Variants in PCLO observed in about 807,000 individuals in gnomAD.
The protein encoded by PCLO is piccolo presynaptic cytomatrix protein.
Under a neutral mutation model 427.5 loss-of-function variants are expected in PCLO, and 82 were observed. The ratio of observed to expected loss-of-function variants is 0.19; its 90% CI spans 0.16 to 0.23. The LOEUF is 0.23. PCLO is among the 10% of genes least tolerant of loss of function. The pLI, the probability that PCLO is intolerant of heterozygous loss-of-function variation, is 1.00. For synonymous variants in PCLO, 2,357 were observed against 2,155.4 expected (o/e 1.09, Z -2.59); for missense variants, 6,239 against 6,115.9 (o/e 1.02, Z -0.67).
chr7:82,936,530 T>C lies in PCLO; in HGVS notation c.11112+12946A>G, dbSNP rs568497222. ...TTTATTTTAAAAAGGAAAATAAGTA[T>C]TGGAAAGATGTAGGGAAATTGCAAC... is the stretch of plus-strand genomic sequence containing the variant. On this transcript the variant is annotated intron_variant, in intron 6 of 24. Transcript: ENST00000333891. Among the ~76,000 whole-genome samples the C allele has an allele frequency of 2.2e-4, 20 of 91,042 alleles. No individual in the cohort carries two copies. In the South Asian group the frequency reaches 6.9e-3, roughly 31 times the overall value. The allele number at this position is 91,042 out of a possible 152,430, so 59.7% of individuals were successfully genotyped here.
intron 4 of PCLO, among the ~76,000 whole-genome samples, chr7:82,962,739 A>G (rs937748213): frequency 2.6e-5 from 4 of 151,996 alleles, no homozygotes; most frequent in Non-Finnish European, 5.9e-5. Flanking sequence ...TGGAATTATA[A>G]TTTTAAAGAA....
intron 3 of PCLO, among the ~76,000 whole-genome samples, chr7:82,995,958 A>G (rs1796486124): frequency 6.7e-6 from 1 of 148,986 alleles, no homozygotes; most frequent in East Asian, 1.9e-4. Flanking sequence ...TATGTTTATC[A>G]TTATATTTAA....
chr7:82,893,053 C>T (rs1793809846), intron 9 of PCLO, among the ~76,000 whole-genome samples: 1 of 152,114 alleles, frequency 6.6e-6, no homozygotes, highest in African/African-American at 2.4e-5. Context: ...TACCATTTGA[C>T]CCAGCCATCC....
intron 3 of PCLO, 98 bp downstream of exon 3, chr7:83,134,152 T>C: frequency 2.9e-6 from 1 of 349,956 alleles, no homozygotes; most frequent in Non-Finnish European, 4.8e-6. Context: ...CACAAATGTA[T>C]TTTTTGCTCA....
chr7:82,850,873 C>T (rs1020487606), intron 10 of PCLO, among the ~76,000 whole-genome samples: 1 of 152,074 alleles, frequency 6.6e-6, no homozygotes, highest in African/African-American at 2.4e-5. Flanking sequence ...AAATAAAGAT[C>T]ATTCACACAG....
chr7:83,048,153 T>C (rs922612246), intron 3 of PCLO, among the ~76,000 whole-genome samples: 4 of 152,124 alleles, frequency 2.6e-5, no homozygotes, highest in African/African-American at 7.2e-5. Context: ...CTGCTTTATA[T>C]TCATCTGTCT....
intron 10 of PCLO, among the ~76,000 whole-genome samples, chr7:82,854,673 T>C (rs964369589): frequency 6.6e-6 from 1 of 152,144 alleles, no homozygotes; most frequent in African/African-American, 2.4e-5. Context: ...TTTCCATTTT[T>C]GGGCAGGACT....
intron 3 of PCLO, among the ~76,000 whole-genome samples, chr7:83,068,398 C>A (rs1459874148): frequency 6.6e-6 from 1 of 151,902 alleles, no homozygotes; most frequent in Non-Finnish European, 1.5e-5. Context: ...GGAACTCACA[C>A]AACAAAATAA....
rs761510962 is a variant in PCLO, at chr7:82,916,877, T to C, written c.11113-4A>G. ...TCATGGTTTGAGAACCTTTAGTCTA[T>C]AATCAAGTAAACAAAATATAGTACT... On this transcript the variant is annotated splice_region_variant and splice_polypyrimidine_tract_variant and intron_variant, in intron 6 of 24. Transcript: ENST00000333891. The C allele has an allele frequency of 2.5e-6, 4 of 1,598,344 alleles. No homozygotes were observed. The African/African-American group carries it at 4.1e-5, about 16-fold the overall frequency.
intron 2 of PCLO, among the ~76,000 whole-genome samples, chr7:83,136,434 TAAGA>T (rs1269105286): frequency 1.3e-5 from 2 of 152,202 alleles, no homozygotes. Flanking sequence ...TAATCAATTT[TAAGA>T]TATACAGCCC....
chr7:82,766,005 G>C (rs1018569823), intron 22 of PCLO, among the ~76,000 whole-genome samples: 15 of 152,028 alleles, frequency 9.9e-5, no homozygotes, highest in African/African-American at 3.6e-4. Context: ...GGAATGAAAA[G>C]GCAGTTTCTG....
In PCLO at chr7:83,156,104, T is replaced by C. The variant is rs774150901; in HGVS notation, c.537A>G (p.Ile179Met). The change falls in exon 2 of 25, where the codon ATA becomes ATG. Residue 179 changes from isoleucine to methionine, a missense_variant. Around this residue, in one of 5 missense-constraint regions of PCLO, gnomAD observed 4,677 missense variants for 4,468.4 expected, o/e 1.05. Coordinates refer to ENST00000333891, the MANE Select transcript of PCLO (RefSeq NM_033026.6). ...VVNKFNPFDL[I>M]SDSEASQEET... is the part of the protein sequence containing the mutation. The stretch of plus-strand genomic sequence containing the variant: ...CTTCCTGGGATGCCTCAGAGTCTGA[T>C]ATCAAATCAAAAGGGTTGAATTTAT... The C allele has an allele frequency of 1.9e-6, 3 of 1,613,862 alleles. No individual in the cohort carries two copies. The highest frequency in any genetic ancestry group is 3.3e-5 in the Admixed American group (2 of 60,010).
In PCLO at chr7:82,951,326, C is replaced by T; in HGVS notation, c.9262G>A (p.Val3088Ile). 6.2e-7 allele frequency: 1 copy of T among 1,611,596 alleles called. No homozygotes were observed. Among genetic ancestry groups the T allele is most frequent in the Non-Finnish European group, 8.5e-7 (1 of 1,178,854 alleles). The change falls in exon 6 of 25, where the codon GTT becomes ATT. Residue 3088 changes from valine to isoleucine, a missense_variant. Val to Ile is a conservative substitution (Grantham distance 29). Around this residue, in one of 5 missense-constraint regions of PCLO, gnomAD observed 4,677 missense variants for 4,468.4 expected, o/e 1.05. Coordinates refer to ENST00000333891, the MANE Select transcript of PCLO (RefSeq NM_033026.6). The stretch of plus-strand genomic sequence containing the variant: ...GGAGTTGCTACTGAAGAATAGACAA[C>T]ACCATTAGATGACCTCAAAACACTC... ...VGSVLRSSNG[V>I]VYSSVATPTP...
rs1429028520 is a variant in PCLO at position 82,950,597 on chromosome 7, T to C, written c.9991A>G (p.Thr3331Ala). Residue 3331 changes from threonine (T) to alanine (A), a missense_variant, in exon 6 of 25, where the codon ACT becomes GCT. Physicochemically the swap from Thr to Ala is moderately conservative, Grantham distance 58 (BLOSUM62 0). Around this residue, in one of 5 missense-constraint regions of PCLO, gnomAD observed 4,677 missense variants for 4,468.4 expected, o/e 1.05. Transcript: ENST00000333891. ...DPSGTASPQT[T>A]TEQAILEGQY... ...CCTTCCAAAATTGCCTGCTCTGTAGTGGTTTGTGGAGAAGCAGTTCCAGAA... is the reference window on the plus strand; with the variant it reads ...CCTTCCAAAATTGCCTGCTCTGTAGCGGTTTGTGGAGAAGCAGTTCCAGAA... 1.2e-5 allele frequency: 20 copies of C among 1,613,826 alleles called. No individual in the cohort carries two copies. Among genetic ancestry groups the C allele is most frequent in the Non-Finnish European group, 1.6e-5 (19 of 1,179,832 alleles).
chr7:83,035,697 TGA>T (rs1320610735), intron 3 of PCLO, among the ~76,000 whole-genome samples: 1 of 152,174 alleles, frequency 6.6e-6, no homozygotes, highest in African/African-American at 2.4e-5. Flanking sequence ...TTATATTGTA[TGA>T]GTCATTTTTT....
In PCLO at chr7:83,154,872, G is replaced by A. The variant is rs1792228151; in HGVS notation, c.1769C>T (p.Pro590Leu). The change falls in exon 2 of 25, where the codon CCT (proline) becomes CTT (leucine). Residue 590 changes from proline (P) to leucine (L), a missense_variant. Physicochemically the swap from Pro to Leu is moderately conservative, Grantham distance 98. Transcript: ENST00000333891. ...PSQGLPKTICPLCNTTELLLH... is the reference protein window; with the variant it reads ...PSQGLPKTICLLCNTTELLLH... ...CAGAAGTTCAGTGGTATTGCAAAGA[G>A]GACAGATGGTTTTAGGGAGGCCTTG... 6.2e-7 allele frequency: 1 copy of A among 1,614,032 alleles called. No individual in the cohort carries two copies. The highest frequency in any genetic ancestry group is 8.5e-7 in the Non-Finnish European group (1 of 1,179,886).
At chr7:82,898,023 A>G (rs1793947953) in intron 9 of PCLO, among the ~76,000 whole-genome samples, 1 of 151,514 alleles carries the variant, frequency 6.6e-6, no homozygotes, top group Non-Finnish European at 1.5e-5. Context: ...GTTAAAATAA[A>G]TAATACTTTA....
chr7:82,783,387 A>G (rs7802784), intron 22 of PCLO, among the ~76,000 whole-genome samples: 128,515 of 152,178 alleles, frequency 0.84, 54,354 homozygotes, highest in East Asian at 0.93. Flanking sequence ...GGCCGAGGCG[A>G]GCGGATCACG....
intron 9 of PCLO, among the ~76,000 whole-genome samples, chr7:82,899,001 T>C (rs1793972436): frequency 6.6e-6 from 1 of 151,378 alleles, no homozygotes; most frequent in South Asian, 2.1e-4. Flanking sequence ...TTAATAACAA[T>C]ATATTGTATT....
Sources: allele counts gnomAD v4.1 joint callset (sites outside exome capture counted in the v4.1 genomes callset), GRCh38; gene constraint gnomAD v4.1.1; regional missense constraint gnomAD v4.1.1; transcripts MANE v1.5; gene names NCBI Gene and HGNC (gene_info 2026-07-23, HGNC 2026-07-21).